The following KCNN2 variants were observed in gnomAD, a reference collection of about 807,000 sequenced individuals.
KCNN2 encodes the protein small conductance calcium-activated potassium channel protein 2.
KCNN2 carries 24 observed loss-of-function variants against 55.5 expected under a neutral mutation model. That is an observed-to-expected ratio of 0.43 (90% CI 0.31 to 0.61). KCNN2 has a LOEUF of 0.61. Ranked by LOEUF, KCNN2 falls within the 20% of genes least tolerant of loss-of-function variation. The pLI is 0.08. For missense variants in KCNN2, 754 were observed against 853.6 expected, an observed-to-expected ratio of 0.88 and a Z score of 1.45; for synonymous variants, 431 against 336.1, an observed-to-expected ratio of 1.28 and a Z score of -3.09.
At chr5:114,077,313 G>A (rs1468964644) in intron 1 of KCNN2, among the ~76,000 whole-genome samples, 1 of 152,214 alleles carries the variant, frequency 6.6e-6, no homozygotes, top group African/African-American at 2.4e-5. Context: ...GAGCACACTA[G>A]GGGGAACCCC....
rs1021078618 is a variant in KCNN2 at position 114,251,821 on chromosome 5, T to A, written c.-185+30256T>A. Among the ~76,000 whole-genome samples, 5 of 152,058 alleles carry A rather than the reference T, an allele frequency of 3.3e-5. No individual in the cohort carries two copies. In the South Asian group the frequency reaches 8.3e-4, roughly 25 times the overall value. On this transcript the variant is annotated intron_variant, in intron 2 of 10. Coordinates refer to the KCNN2 transcript ENST00000512097. ...ATATTTAACTGGAAAAATAGAATAATATTGTAATATAGTTTGTTTGTGGTT... is the reference window on the plus strand; with the variant it reads ...ATATTTAACTGGAAAAATAGAATAAAATTGTAATATAGTTTGTTTGTGGTT...
chr5:114,431,324 T>C (rs1759786141), intron 3 of KCNN2, among the ~76,000 whole-genome samples: 2 of 152,174 alleles, frequency 1.3e-5, no homozygotes, highest in Middle Eastern at 6.8e-3. Context: ...TGGCAGATTG[T>C]GTTGTTCAAG....
chr5:114,308,542 G>A (rs769004402), intron 2 of KCNN2, among the ~76,000 whole-genome samples: 1 of 152,138 alleles, frequency 6.6e-6, no homozygotes, highest in East Asian at 1.9e-4. Context: ...TGTGTATCAA[G>A]CATGTTACCA....
At chr5:114,240,661 C>T (rs906233055) in intron 2 of KCNN2, among the ~76,000 whole-genome samples, 2 of 152,050 alleles carry the variant, frequency 1.3e-5, no homozygotes, top group Admixed American at 6.6e-5. Flanking sequence ...GAACTCCTTG[C>T]CTCAAGCAAT....
chr5:114,438,030 CTG>C (rs916854156), intron 3 of KCNN2, among the ~76,000 whole-genome samples: 31 of 152,318 alleles, frequency 2.0e-4, no homozygotes, highest in African/African-American at 7.5e-4. Flanking sequence ...CTACACCAAT[CTG>C]TTAATATAAT....
At chr5:114,411,911 A>G (rs918352471) in intron 3 of KCNN2, among the ~76,000 whole-genome samples, 1 of 152,210 alleles carries the variant, frequency 6.6e-6, no homozygotes, top group African/African-American at 2.4e-5. Context: ...CATATGGTAT[A>G]TTGTGGAATA....
intron 1 of KCNN2, among the ~76,000 whole-genome samples, chr5:114,127,922 T>C (rs555288792): frequency 6.6e-6 from 1 of 152,104 alleles, no homozygotes; most frequent in African/African-American, 2.4e-5. Flanking sequence ...TTTATTCCAG[T>C]TCCCAACAAG....
At chr5:114,099,539 C>A (rs942721006) in intron 1 of KCNN2, among the ~76,000 whole-genome samples, 1 of 152,116 alleles carries the variant, frequency 6.6e-6, no homozygotes, top group South Asian at 2.1e-4. Flanking sequence ...TTCACAGGTG[C>A]AATCATAGCA....
chr5:114,350,406 T>C (rs964469638), intron 2 of KCNN2, among the ~76,000 whole-genome samples: 2 of 151,940 alleles, frequency 1.3e-5, no homozygotes, highest in African/African-American at 4.8e-5. Flanking sequence ...TCCCATTCTG[T>C]AGGTAGTCTT....
At chr5:114,307,111 A>G (rs1756295693) in intron 2 of KCNN2, among the ~76,000 whole-genome samples, 1 of 152,158 alleles carries the variant, frequency 6.6e-6, no homozygotes, top group Non-Finnish European at 1.5e-5. Context: ...GACCCAGTGC[A>G]GTTATCTGTA....
At chr5:114,108,691 T>C (rs909986727) in intron 1 of KCNN2, among the ~76,000 whole-genome samples, 1 of 152,118 alleles carries the variant, frequency 6.6e-6, no homozygotes, top group Non-Finnish European at 1.5e-5. Context: ...CTGTTGCATG[T>C]ATCAGTAGTT....
chr5:114,471,151 C>T (rs1457076221), intron 4 of KCNN2, among the ~76,000 whole-genome samples: 1 of 152,104 alleles, frequency 6.6e-6, no homozygotes, highest in Non-Finnish European at 1.5e-5. Context: ...ATGGAATAAT[C>T]ACAAATAAGA....
intron 1 of KCNN2, among the ~76,000 whole-genome samples, chr5:114,159,111 T>C (rs1165134616): frequency 3.3e-5 from 5 of 152,302 alleles, no homozygotes; most frequent in African/African-American, 1.2e-4. Flanking sequence ...TCGGTTTTTG[T>C]CCATTCAGTA....
intron 2 of KCNN2, among the ~76,000 whole-genome samples, chr5:114,399,885 T>C (rs1758731724): frequency 6.6e-6 from 1 of 151,908 alleles, no homozygotes. Flanking sequence ...TTCTAGCCTG[T>C]GTGCATAGAG....
Position 114,255,056 on chromosome 5 carries a change from T to A in KCNN2, c.-185+33491T>A, listed in dbSNP as rs138668227. Reference sequence around the variant, plus strand: ...CTATTGAGAGGTACAGAGTTCACAGTCTGTAAAGGCATAGGTATTTATGCA... The same window carrying A: ...CTATTGAGAGGTACAGAGTTCACAGACTGTAAAGGCATAGGTATTTATGCA... On this transcript the variant is annotated intron_variant, in intron 2 of 10. Transcript: ENST00000512097. Among the ~76,000 whole-genome samples, 725 of 152,250 alleles carry A rather than the reference T, an allele frequency of 4.8e-3. 7 individuals are homozygous for A. The highest frequency in any genetic ancestry group is 0.017 in the African/African-American group (696 of 41,546).
At chr5:114,071,361 C>CTGA (rs1215960233) in intron 1 of KCNN2, among the ~76,000 whole-genome samples, 1 of 152,160 alleles carries the variant, frequency 6.6e-6, no homozygotes, top group Non-Finnish European at 1.5e-5. Flanking sequence ...TCTGAACTCC[C>CTGA]ACTCTTGGCT....
intron 2 of KCNN2, among the ~76,000 whole-genome samples, chr5:114,308,828 T>G (rs1385945694): frequency 6.6e-6 from 1 of 152,214 alleles, no homozygotes; most frequent in Admixed American, 6.5e-5. Flanking sequence ...ATTTCTCTGT[T>G]TCAAGTCTTG....
At chr5:114,104,239 G>T (rs1478757483) in intron 1 of KCNN2, among the ~76,000 whole-genome samples, 1 of 151,996 alleles carries the variant, frequency 6.6e-6, no homozygotes. Flanking sequence ...TTCTCTGATG[G>T]TAGTTTGTAT....
At chr5:114,405,996 C>T (rs536033198) in intron 3 of KCNN2, among the ~76,000 whole-genome samples, 16 of 151,390 alleles carry the variant, frequency 1.1e-4, no homozygotes, top group African/African-American at 3.9e-4. Flanking sequence ...AGGCGTGAGC[C>T]ACCGCACCAG....
Sources: gnomAD v4.1 joint callset for allele counts (sites outside exome capture counted in the v4.1 genomes callset) on GRCh38, gnomAD v4.1.1 for gene constraint, MANE v1.5 for transcripts, NCBI Gene and HGNC (gene_info 2026-07-23, HGNC 2026-07-21) for gene names.